PCDHGA1: variants seen among roughly 807,000 people sequenced by gnomAD.
The protein encoded by PCDHGA1 is protocadherin gamma-A1.
PCDHGA1 carries 32 observed loss-of-function variants against 58.0 expected under a neutral mutation model. The ratio of observed to expected loss-of-function variants is 0.55; its 90% CI spans 0.42 to 0.74. PCDHGA1 has a LOEUF of 0.74. PCDHGA1 is among the 30% of genes least tolerant of loss of function. PCDHGA1 has a pLI of 0.00. For missense variants in PCDHGA1, 1,205 were observed against 1,182.3 expected (o/e 1.02, Z -0.28); for synonymous variants, 498 against 501.1 (o/e 0.99, Z 0.08).
intron 1 of PCDHGA1, chr5:141,403,422 C>G: frequency 6.2e-7 from 1 of 1,614,030 alleles, no homozygotes; most frequent in Non-Finnish European, 8.5e-7. Flanking sequence ...CTTCCAGAAG[C>G]TATTGATCCG....
In PCDHGA1 at chr5:141,490,794, C is replaced by G. The variant is rs763933771; in HGVS notation, c.2422-4013C>G. The G allele has an allele frequency of 5.0e-6, 8 of 1,613,976 alleles. No individual in the cohort carries two copies. In the South Asian group the frequency reaches 7.7e-5, roughly 16 times the overall value. ...ACCCAGAGGATGGACGGATCTTTGCCCAGCGTACCTTTGACTATGAATTGC... is the reference window on the plus strand; with the variant it reads ...ACCCAGAGGATGGACGGATCTTTGCGCAGCGTACCTTTGACTATGAATTGC... On this transcript the variant is annotated intron_variant, in intron 1 of 3. Transcript: ENST00000517417. The surrounding 1 kb of genome is among the most constrained non-coding windows in gnomAD (Gnocchi z 5.4).
chr5:141,494,316 G>T (rs2099753509), intron 1 of PCDHGA1, among the ~76,000 whole-genome samples: 1 of 152,172 alleles, frequency 6.6e-6, no homozygotes, highest in Admixed American at 6.5e-5. Flanking sequence ...TGCACAACCT[G>T]GCACCAAAAG....
intron 1 of PCDHGA1, among the ~76,000 whole-genome samples, chr5:141,480,700 C>A (rs1327284592): frequency 1.3e-5 from 2 of 152,192 alleles, no homozygotes; most frequent in Admixed American, 6.5e-5. Flanking sequence ...CCAGGCCACA[C>A]CCCGACAAAT....
At chr5:141,406,948 CAT>C (rs777377851) in intron 1 of PCDHGA1, among the ~76,000 whole-genome samples, 2 of 152,096 alleles carry the variant, frequency 1.3e-5, no homozygotes, top group Non-Finnish European at 2.9e-5. Context: ...TTATTTTAAA[CAT>C]AGTGTTGTTT....
intron 1 of PCDHGA1, among the ~76,000 whole-genome samples, chr5:141,482,757 T>G: frequency 7.9e-6 from 1 of 127,194 alleles, no homozygotes; most frequent in Admixed American, 7.7e-5. Flanking sequence ...GATTATGGTA[T>G]TTCATTATCA....
In PCDHGA1 at chr5:141,355,154, C is replaced by G. The variant is rs1314885234; in HGVS notation, c.2421+22049C>G. On this transcript the variant is annotated intron_variant, in intron 1 of 3. Transcript: ENST00000517417. Reference sequence around the variant, plus strand: ...GAAGATCCTGGGGCTCCTCAGGCCTCGACAGAGGGAAAACCGAAGCACAGG... The same window carrying G: ...GAAGATCCTGGGGCTCCTCAGGCCTGGACAGAGGGAAAACCGAAGCACAGG... 11 of 1,551,788 alleles carry G rather than the reference C, an allele frequency of 7.1e-6. No individual in the cohort carries two copies. The Admixed American group carries it at 1.7e-4, about 25-fold the overall frequency.
chr5:141,370,886 C>A (rs1208326985), intron 1 of PCDHGA1: 1 of 1,614,034 alleles, frequency 6.2e-7, no homozygotes, highest in South Asian at 1.1e-5. Flanking sequence ...ATGTAGGTGT[C>A]AATTCGCTGC....
intron 1 of PCDHGA1, among the ~76,000 whole-genome samples, chr5:141,448,813 C>T (rs1020956433): frequency 2.0e-5 from 3 of 151,800 alleles, no homozygotes; most frequent in Admixed American, 1.3e-4. Context: ...GGCGTGATGG[C>T]GGGCGCCTGT....
intron 1 of PCDHGA1, chr5:141,423,382 C>A (rs1244632347): frequency 6.2e-7 from 1 of 1,614,118 alleles, no homozygotes; most frequent in Admixed American, 1.7e-5. Context: ...CAGGCTGTGG[C>A]GCTGGCATAA....
intron 1 of PCDHGA1, chr5:141,417,858 C>T (rs561149517): frequency 6.5e-7 from 1 of 1,547,240 alleles, no homozygotes. Flanking sequence ...CCCGAGCGAA[C>T]GATGGGAGGG....
At chr5:141,450,509 G>A (rs2098683055) in intron 1 of PCDHGA1, among the ~76,000 whole-genome samples, 1 of 151,878 alleles carries the variant, frequency 6.6e-6, no homozygotes, top group African/African-American at 2.4e-5. Flanking sequence ...GTTTTGAGAT[G>A]GAGTCTCATT....
rs759437302 is a variant in PCDHGA1, at chr5:141,476,861, T to C, written c.2422-17946T>C. On this transcript the variant is annotated intron_variant, in intron 1 of 3. Transcript: ENST00000517417. The surrounding 1 kb of genome is among the most constrained non-coding windows in gnomAD (Gnocchi z 7.6). Reference sequence around the variant, plus strand: ...TGCGCCTGTCTTCAACCAGTCCTTGTACCGGGCGCGCGTCCTGGAGGATGC... The same window carrying C: ...TGCGCCTGTCTTCAACCAGTCCTTGCACCGGGCGCGCGTCCTGGAGGATGC... 6.2e-7 allele frequency: 1 copy of C among 1,613,864 alleles called. No individual in the cohort carries two copies. The highest frequency in any genetic ancestry group is 1.7e-5 in the Admixed American group (1 of 60,034).
chr5:141,427,782 T>G, intron 1 of PCDHGA1: 1 of 1,459,986 alleles, frequency 6.8e-7, no homozygotes, highest in Middle Eastern at 1.7e-4. Context: ...GCGGGCACTG[T>G]CGTCCTACGT....
intron 1 of PCDHGA1, among the ~76,000 whole-genome samples, chr5:141,400,831 C>CT (rs1457237248): frequency 1.3e-5 from 2 of 152,146 alleles, no homozygotes; most frequent in Admixed American, 6.5e-5. Flanking sequence ...TTGTCTCATT[C>CT]TTTAACATGT....
intron 1 of PCDHGA1, chr5:141,345,793 T>A: frequency 1.9e-6 from 3 of 1,613,980 alleles, no homozygotes; most frequent in Non-Finnish European, 2.5e-6. Context: ...CCCGGCTACC[T>A]GGTGACCAAG....
chr5:141,382,720 T>C (rs894143659), intron 1 of PCDHGA1: 7 of 480,002 alleles, frequency 1.5e-5, no homozygotes, highest in African/African-American at 1.4e-4. Flanking sequence ...AACCACCGAG[T>C]TTTACAGCAC....
intron 3 of PCDHGA1, among the ~76,000 whole-genome samples, chr5:141,510,691 T>C (rs1013489554): frequency 4.6e-5 from 7 of 152,138 alleles, no homozygotes; most frequent in African/African-American, 1.7e-4. Flanking sequence ...GGAGGTTAGG[T>C]AGACTTGCCC....
At chr5:141,389,969 C>CTTGA (rs746625491) in intron 1 of PCDHGA1, 8 of 1,613,924 alleles carry the variant, frequency 5.0e-6, no homozygotes, top group Non-Finnish European at 6.8e-6. Flanking sequence ...TGGCCTTGGC[C>CTTGA]TTGATCTCAG....
In PCDHGA1 at chr5:141,485,244, T is replaced by C; in HGVS notation, c.2422-9563T>C. ...ACCCTTTTGTTCCTCTTTTACCACC[T>C]GGGTTACGTTTGTGGGCAGATCCGC... On this transcript the variant is annotated intron_variant, in intron 1 of 3. Transcript: ENST00000517417. This position sits in a 1 kb window ranked among gnomAD's most constrained non-coding sequence, Gnocchi z 5.7. 1 of 1,614,168 alleles carries C rather than the reference T, an allele frequency of 6.2e-7. No individual in the cohort carries two copies. Among genetic ancestry groups the C allele is most frequent in the Admixed American group, 1.7e-5 (1 of 60,016 alleles).
Sources: gnomAD v4.1 joint callset for allele counts (sites outside exome capture counted in the v4.1 genomes callset) on GRCh38, gnomAD v4.1.1 for gene constraint, Gnocchi (gnomAD v3.1) non-coding constraint, MANE v1.5 for transcripts, NCBI Gene and HGNC (gene_info 2026-07-23, HGNC 2026-07-21) for gene names.